Variants in ADAD2 observed in about 807,000 individuals in gnomAD.
ADAD2 encodes adenosine deaminase domain-containing protein 2.
ADAD2 carries 60 observed loss-of-function variants against 54.5 expected under a neutral mutation model. That is an observed-to-expected ratio of 1.10 (90% CI 0.89 to 1.36). The LOEUF (loss-of-function observed/expected upper bound fraction) is 1.36. ADAD2 is among the 40% of genes most tolerant of loss of function. ADAD2 has a pLI of 0.00. For synonymous variants in ADAD2, 543 were observed against 366.2 expected (o/e 1.48, Z -5.51); for missense variants, 1,103 against 801.3 (o/e 1.38, Z -4.54).
chr16:84,191,799 C>A, intron 1 of ADAD2, 151 bp downstream of exon 1: 1 of 1,160,596 alleles, frequency 8.6e-7, no homozygotes, highest in Non-Finnish European at 1.2e-6. Flanking sequence ...GAGCTTGGGA[C>A]CTTGGGGTGG....
chr16:84,191,487 A>T lies in ADAD2; in HGVS notation c.257A>T (p.Asn86Ile), dbSNP rs1425059653. Residue 86 changes from asparagine (N) to isoleucine (I), a missense_variant, in exon 1 of 10, where the codon AAC becomes ATC. Asn to Ile is a moderately radical substitution (Grantham distance 149). Transcript: ENST00000315906. The part of the protein sequence containing the change: ...GELGAARAWE[N>I]LGEQMGKAPR... Reference sequence around the variant, plus strand: ...CTGGGGGCAGCCCGGGCGTGGGAAAACTTGGGGGAACAGATGGGGAAGGCC... The same window carrying T: ...CTGGGGGCAGCCCGGGCGTGGGAAATCTTGGGGGAACAGATGGGGAAGGCC... The T allele has an allele frequency of 6.5e-7, 1 of 1,539,784 alleles. No individual in the cohort carries two copies. Among genetic ancestry groups the T allele is most frequent in the Non-Finnish European group, 8.7e-7 (1 of 1,144,678 alleles).
At position 84,194,538 on chromosome 16, in the gene ADAD2, C is replaced by T. The variant is rs756625312; in HGVS notation, c.515C>T (p.Ala172Val). 6.2e-6 allele frequency: 10 copies of T among 1,610,148 alleles called. No individual in the cohort carries two copies. Among genetic ancestry groups the T allele is most frequent in the East Asian group, 2.2e-5 (1 of 44,782 alleles). ...AAGACGGAGGCCAAACAGCAGGCAGCGCTCTCTGCCCTCTGCTACATCCGG... is the reference window on the plus strand; with the variant it reads ...AAGACGGAGGCCAAACAGCAGGCAGTGCTCTCTGCCCTCTGCTACATCCGG... ...NSKTEAKQQA[A>V]LSALCYIRSQ... The change falls in exon 2 of 10, where the codon GCG (alanine) becomes GTG (valine). Residue 172 changes from alanine (A) to valine (V), a missense_variant. Transcript: ENST00000315906.
Position 84,191,378 on chromosome 16 carries a change from G to GCGA in ADAD2, c.151_153dup (p.Thr51dup). 2.6e-6 allele frequency: 4 copies of GCGA among 1,515,954 alleles called. No individual in the cohort carries two copies. The highest frequency in any genetic ancestry group is 3.5e-6 in the Non-Finnish European group (4 of 1,137,140). The allele number at this position is 1,515,954 out of a possible 1,614,324, so 93.9% of individuals were successfully genotyped here. On this transcript the variant is annotated inframe_insertion, in exon 1 of 10. Coordinates refer to ENST00000315906, the MANE Select transcript of ADAD2 (RefSeq NM_001145400.2). ...TGCCTGGGGGCCCGCGCCCGCGCCCGCGACGTATCGCGCGGAGGGCGGGTG... is the reference window on the plus strand; with the variant it reads ...TGCCTGGGGGCCCGCGCCCGCGCCCGCGACGACGTATCGCGCGGAGGGCGGGTG...
In ADAD2 at chr16:84,194,994, C is replaced by A. The variant is rs1416054750; in HGVS notation, c.607+14C>A. ...CCCTGAGCGTAGGTAGGTGAGCATT[C>A]CCGGACCCAGGCTTGTAGTGTCGAG... On this transcript the variant is annotated intron_variant, in intron 3 of 9. Transcript: ENST00000315906. 11 of 1,545,048 alleles carry A rather than the reference C, an allele frequency of 7.1e-6. No individual in the cohort carries two copies.
Position 84,195,695 on chromosome 16 carries a change from C to T in ADAD2, c.1050C>T (p.Ile350=). ...SNTPKGAARD[I]YLPPTSEGGL... ...CCCCCAAGGGCGCGGCCCGTGACAT[C>T]TAGTATGCAGGGCCCCCGGGGCAGG... The change falls in exon 6 of 10, where the codon ATC becomes ATT. Residue 350 remains isoleucine (I), a splice_region_variant and synonymous_variant. Coordinates refer to ENST00000315906, the MANE Select transcript of ADAD2 (RefSeq NM_001145400.2). The T allele has an allele frequency of 6.5e-7, 1 of 1,547,798 alleles. No homozygotes were observed.
intron 1 of ADAD2, chr16:84,194,099 C>A (rs948288634): frequency 6.2e-7 from 1 of 1,613,984 alleles, no homozygotes; most frequent in Admixed American, 1.7e-5. Context: ...CTCCTGAGAA[C>A]AGGGTGGCGT....
intron 2 of ADAD2, 91 bp downstream of exon 2, chr16:84,194,673 G>T: frequency 6.5e-7 from 1 of 1,538,108 alleles, no homozygotes; most frequent in Non-Finnish European, 8.8e-7. Context: ...GTGGCTGTGC[G>T]TGTGAGCAGG....
In ADAD2 at chr16:84,194,168, C is replaced by T. The variant is rs778730837; in HGVS notation, c.419-274C>T. The T allele has an allele frequency of 4.4e-6, 7 of 1,601,988 alleles. No homozygotes were observed. Among genetic ancestry groups the T allele is most frequent in the Admixed American group, 1.7e-5 (1 of 57,368 alleles). ...GACTCAAGTTGGGCAAACCGCCTGC[C>T]GTTTCTGCTCATCTGTGAAATGGAG... On this transcript the variant is annotated intron_variant, in intron 1 of 9. Transcript: ENST00000315906.
In ADAD2 at chr16:84,196,071, G is replaced by A. The variant is rs757525623; in HGVS notation, c.1282+27G>A. 1.3e-5 allele frequency: 21 copies of A among 1,599,332 alleles called. No homozygotes were observed. In the African/African-American group the frequency reaches 1.9e-4, roughly 14 times the overall value. ...TGAGCACGTGGTGAGGGCTGGGGGGGTGAGAAGGGAGGGCAGGGAGGTCAC... is the reference window on the plus strand; with the variant it reads ...TGAGCACGTGGTGAGGGCTGGGGGGATGAGAAGGGAGGGCAGGGAGGTCAC... On this transcript the variant is annotated intron_variant, in intron 7 of 9. Transcript: ENST00000315906.
intron 1 of ADAD2, chr16:84,193,911 A>AT: frequency 2.3e-6 from 3 of 1,303,716 alleles, no homozygotes; most frequent in Non-Finnish European, 3.2e-6. Context: ...GTACTGTGAA[A>AT]TTAACCCTGC....
chr16:84,195,766 G>T, intron 6 of ADAD2, 49 bp from the exon 7 acceptor site: 2 of 1,549,088 alleles, frequency 1.3e-6, no homozygotes, highest in South Asian at 1.2e-5. Flanking sequence ...GGGGGCCAGG[G>T]TCAGAAGAGC....
chr16:84,192,224 A>G (rs2089665368), intron 1 of ADAD2, among the ~76,000 whole-genome samples: 1 of 152,186 alleles, frequency 6.6e-6, no homozygotes, highest in Non-Finnish European at 1.5e-5. Context: ...GCCTCACTGC[A>G]GCGTCCGCCT....
At position 84,195,284 on chromosome 16, in the gene ADAD2, C is replaced by T. The variant is rs758164102; in HGVS notation, c.734-12C>T. On this transcript the variant is annotated splice_polypyrimidine_tract_variant and intron_variant, in intron 4 of 9. Transcript: ENST00000315906. ...GCCTTAGGCTGGGCCGTCTCTGCCC[C>T]CTCCTGCACAGAGATCCCGCGTGCC... 4 of 1,612,216 alleles carry T rather than the reference C, an allele frequency of 2.5e-6. No homozygotes were observed. Among genetic ancestry groups the T allele is most frequent in the African/African-American group, 1.3e-5 (1 of 75,064 alleles).
In ADAD2 at chr16:84,196,652, C is replaced by T. The variant is rs1291939558; in HGVS notation, c.1532C>T (p.Ala511Val). Reference protein sequence around the residue: ...VATGRVKANAALGPPSRLCKA... With the variant: ...VATGRVKANAVLGPPSRLCKA... ...GGTATCCTCTCTTCATCCAGTGCCG[C>T]CCTGGGGCCTCCCTCCCGTCTCTGC... The change falls in exon 9 of 10, where the codon GCC becomes GTC. Residue 511 changes from alanine to valine, a missense_variant. By Grantham distance (64) the Ala-to-Val change is moderately conservative. Transcript: ENST00000315906. 6 of 1,613,272 alleles carry T rather than the reference C, an allele frequency of 3.7e-6. No homozygotes were observed. In the Admixed American group the frequency reaches 1.0e-4, roughly 27 times the overall value.
chr16:84,196,511 G>A, intron 8 of ADAD2, 136 bp from the exon 9 acceptor site: 1 of 1,543,938 alleles, frequency 6.5e-7, no homozygotes, highest in Non-Finnish European at 8.8e-7. Context: ...GCTCCGTAGT[G>A]GTGGCCACAC....
intron 1 of ADAD2, among the ~76,000 whole-genome samples, chr16:84,192,230 C>T (rs893362394): frequency 2.0e-5 from 3 of 152,142 alleles, no homozygotes; most frequent in Admixed American, 6.5e-5. Flanking sequence ...CTGCAGCGTC[C>T]GCCTCCTGGG....
intron 8 of ADAD2, 116 bp downstream of exon 8, chr16:84,196,486 CTCAACCCCTTCCT>C (rs770542337): frequency 1.2e-4 from 72 of 606,804 alleles, no homozygotes; most frequent in Non-Finnish European, 1.5e-4. Context: ...AACCCCTTCG[CTCAACCCCTTCCT>C]AGCTCCGTAG....
intron 2 of ADAD2, 142 bp from the exon 3 acceptor site, chr16:84,194,791 G>A: frequency 2.4e-6 from 3 of 1,252,620 alleles, no homozygotes; most frequent in South Asian, 2.9e-5. Flanking sequence ...GGACACCGGG[G>A]GTAGGGACCG....
At chr16:84,194,164 C>T (rs2089694289) in intron 1 of ADAD2, 2 of 1,602,474 alleles carry the variant, frequency 1.2e-6, no homozygotes, top group African/African-American at 1.3e-5. Context: ...GGCAAACCGC[C>T]TGCCGTTTCT....
Sources: allele counts gnomAD v4.1 joint callset (sites outside exome capture counted in the v4.1 genomes callset), GRCh38; gene constraint gnomAD v4.1.1; transcripts MANE v1.5; gene names NCBI Gene and HGNC (gene_info 2026-07-23, HGNC 2026-07-21).